The following SNTB1 variants were observed in gnomAD, a reference collection of about 807,000 sequenced individuals.
SNTB1 encodes syntrophin beta 1, also known as beta-1-syntrophin.
A neutral mutation model predicts 48.9 loss-of-function variants in SNTB1; 36 were observed. The observed-to-expected ratio is 0.74, with a 90% CI of 0.56 to 0.97. The LOEUF is 0.97. SNTB1 is among the 50% of genes least tolerant of loss of function. SNTB1 has a pLI of 0.00. For missense variants in SNTB1, 786 were observed against 703.4 expected, an observed-to-expected ratio of 1.12 and a Z score of -1.33; for synonymous variants, 299 against 294.6, an observed-to-expected ratio of 1.01 and a Z score of -0.15.
chr8:120,781,667 T>A (rs1475653168), intron 1 of SNTB1, among the ~76,000 whole-genome samples: 4 of 152,172 alleles, frequency 2.6e-5, no homozygotes, highest in African/African-American at 9.7e-5. Context: ...CCAACCTACC[T>A]CTTTTTATGA....
intron 3 of SNTB1, among the ~76,000 whole-genome samples, chr8:120,579,561 C>T (rs1816010712): frequency 6.6e-6 from 1 of 152,060 alleles, no homozygotes; most frequent in Non-Finnish European, 1.5e-5. Flanking sequence ...GCCCTGTAGC[C>T]CCCAGCTACT....
At chr8:120,743,088 A>G (rs1405792745) in intron 1 of SNTB1, among the ~76,000 whole-genome samples, 1 of 152,328 alleles carries the variant, frequency 6.6e-6, no homozygotes, top group East Asian at 1.9e-4. Flanking sequence ...AGAGGTCACC[A>G]CAGGGACTAC....
At chr8:120,802,090 A>T (rs1820237738) in intron 1 of SNTB1, among the ~76,000 whole-genome samples, 2 of 152,156 alleles carry the variant, frequency 1.3e-5, no homozygotes, top group Admixed American at 6.6e-5. Context: ...TATATCTTCC[A>T]CGGGATGGCC....
At chr8:120,756,205 A>C (rs886793160) in intron 1 of SNTB1, among the ~76,000 whole-genome samples, 1 of 152,180 alleles carries the variant, frequency 6.6e-6, no homozygotes, top group Non-Finnish European at 1.5e-5. Context: ...TAATACACTT[A>C]ATACAACTGA....
chr8:120,695,244 C>T (rs568359999), intron 1 of SNTB1, among the ~76,000 whole-genome samples: 11 of 152,300 alleles, frequency 7.2e-5, no homozygotes, highest in Admixed American at 4.6e-4. Context: ...TTTGATGAAT[C>T]GGTTCCACCA....
chr8:120,739,692 A>G (rs1366003205), intron 1 of SNTB1, among the ~76,000 whole-genome samples: 1 of 152,202 alleles, frequency 6.6e-6, no homozygotes, highest in Non-Finnish European at 1.5e-5. Flanking sequence ...AACACATCTA[A>G]AGAGCTGTCA....
At chr8:120,624,971 A>G (rs1335068739) in intron 3 of SNTB1, among the ~76,000 whole-genome samples, 1 of 152,214 alleles carries the variant, frequency 6.6e-6, no homozygotes, top group African/African-American at 2.4e-5. Context: ...CTTTGACTCC[A>G]TGTCTCAAAT....
intron 3 of SNTB1, among the ~76,000 whole-genome samples, chr8:120,596,581 G>C (rs771423212): frequency 6.6e-6 from 1 of 152,160 alleles, no homozygotes; most frequent in Non-Finnish European, 1.5e-5. Flanking sequence ...GCTCATTTAG[G>C]TTGTTGGCTG....
At chr8:120,632,346 G>T in intron 3 of SNTB1, 98 bp downstream of exon 3, 1 of 1,095,142 alleles carries the variant, frequency 9.1e-7, no homozygotes, top group Non-Finnish European at 1.3e-6. Context: ...GACTGTGAAT[G>T]AGAGAATCAG....
chr8:120,587,704 G>C (rs1049316077), intron 3 of SNTB1, among the ~76,000 whole-genome samples: 2 of 152,160 alleles, frequency 1.3e-5, no homozygotes, highest in East Asian at 1.9e-4. Context: ...GCTCTCTCAC[G>C]GACCTTCTTC....
chr8:120,631,733 A>G (rs1263277142), intron 3 of SNTB1, among the ~76,000 whole-genome samples: 7 of 152,138 alleles, frequency 4.6e-5, no homozygotes, highest in African/African-American at 1.7e-4. Context: ...ACTATCTTTA[A>G]CATATCACAT....
rs192216340 is a variant in SNTB1, at chr8:120,621,836, T to A, written c.996+10608A>T. Among the ~76,000 whole-genome samples the A allele has an allele frequency of 1.3e-3, 199 of 152,192 alleles. 1 individual carries two copies. Among genetic ancestry groups the A allele is most frequent in the Non-Finnish European group, 2.3e-3 (155 of 67,994 alleles). ...ATTTTTCCAGAGATCTCCTCCACGT[T>A]TTGACTCAGACCAAGTGCCTGGGTT... On this transcript the variant is annotated intron_variant, in intron 3 of 6. Transcript: ENST00000517992.
chr8:120,641,648 G>A, intron 2 of SNTB1, among the ~76,000 whole-genome samples: 1 of 152,146 alleles, frequency 6.6e-6, no homozygotes, highest in Non-Finnish European at 1.5e-5. Context: ...AACTTTAAAA[G>A]TGTAACATAC....
At chr8:120,718,898 T>A (rs766832284) in intron 1 of SNTB1, among the ~76,000 whole-genome samples, 2 of 152,152 alleles carry the variant, frequency 1.3e-5, no homozygotes, top group African/African-American at 2.4e-5. Flanking sequence ...TGCTGTCTCT[T>A]GGCTTGACTT....
At chr8:120,655,187 A>G (rs1012728276) in intron 2 of SNTB1, among the ~76,000 whole-genome samples, 1 of 152,242 alleles carries the variant, frequency 6.6e-6, no homozygotes, top group African/African-American at 2.4e-5. Flanking sequence ...CTTAAAAAAA[A>G]GAATACTTGT....
chr8:120,757,836 A>G (rs1484493995), intron 1 of SNTB1, among the ~76,000 whole-genome samples: 1 of 152,080 alleles, frequency 6.6e-6, no homozygotes, highest in Non-Finnish European at 1.5e-5. Context: ...GACATCCCAA[A>G]TGTTTTCTAA....
chr8:120,774,610 A>G (rs1407307452), intron 1 of SNTB1, among the ~76,000 whole-genome samples: 1 of 152,132 alleles, frequency 6.6e-6, no homozygotes, highest in African/African-American at 2.4e-5. Flanking sequence ...GCAGATTACA[A>G]AAACCAAAGA....
rs368573289 is a variant in SNTB1 at position 120,772,306 on chromosome 8, C to T, written c.571+38967G>A. Among the ~76,000 whole-genome samples the T allele has an allele frequency of 9.3e-5, 14 of 151,294 alleles. No individual in the cohort carries two copies. In the East Asian group the frequency reaches 1.6e-3, roughly 17 times the overall value. On this transcript the variant is annotated intron_variant, in intron 1 of 6. Transcript: ENST00000517992. The stretch of plus-strand genomic sequence containing the variant: ...TGCCGCCTAGGCTGGAGTGCAGTGG[C>T]GTGATCTCGGCTCACTGCACCCTCT...
intron 3 of SNTB1, among the ~76,000 whole-genome samples, chr8:120,584,239 C>G (rs1300715745): frequency 6.6e-6 from 1 of 151,834 alleles, no homozygotes; most frequent in African/African-American, 2.4e-5. Context: ...GTCAGGAGTT[C>G]GAGACCAGCC....
Sources: allele counts gnomAD v4.1 joint callset (sites outside exome capture counted in the v4.1 genomes callset), GRCh38; gene constraint gnomAD v4.1.1; transcripts MANE v1.5; gene names NCBI Gene and HGNC (gene_info 2026-07-23, HGNC 2026-07-21).